CDKAL1: variants seen among roughly 807,000 people sequenced by gnomAD.
The protein encoded by CDKAL1 is CDKAL1 threonylcarbamoyladenosine tRNA methylthiotransferase, also known as threonylcarbamoyladenosine tRNA methylthiotransferase.
CDKAL1 carries 32 observed loss-of-function variants against 68.2 expected under a neutral mutation model. The observed-to-expected ratio is 0.47, with a 90% CI of 0.35 to 0.63. The LOEUF is 0.63. Among genes scored for constraint, CDKAL1 ranks in the 30% least tolerant of loss-of-function variants. The pLI is 0.00. For synonymous variants in CDKAL1, 234 were observed against 244.3 expected, an observed-to-expected ratio of 0.96 and a Z score of 0.39; for missense variants, 606 against 696.7, an observed-to-expected ratio of 0.87 and a Z score of 1.47.
At chr6:21,226,423 A>G (rs1779746021) in intron 15 of CDKAL1, among the ~76,000 whole-genome samples, 1 of 152,178 alleles carries the variant, frequency 6.6e-6, no homozygotes, top group Non-Finnish European at 1.5e-5. Flanking sequence ...AAGTAGATTT[A>G]GAAATTAATC....
intron 4 of CDKAL1, among the ~76,000 whole-genome samples, chr6:20,567,391 A>G (rs901165801): frequency 3.9e-5 from 6 of 152,126 alleles, no homozygotes; most frequent in African/African-American, 1.4e-4. Context: ...ATTCACTATT[A>G]CATGTAAATG....
chr6:20,912,234 T>C (rs1302343697), intron 9 of CDKAL1, among the ~76,000 whole-genome samples: 1 of 152,250 alleles, frequency 6.6e-6, no homozygotes, highest in African/African-American at 2.4e-5. Flanking sequence ...TCCTCAGCTT[T>C]CTTTTTAGCT....
At chr6:20,664,061 G>T (rs1249515603) in intron 5 of CDKAL1, among the ~76,000 whole-genome samples, 1 of 151,986 alleles carries the variant, frequency 6.6e-6, no homozygotes, top group Non-Finnish European at 1.5e-5. Context: ...TTATAGGTTG[G>T]CGCCATTGGA....
intron 13 of CDKAL1, among the ~76,000 whole-genome samples, chr6:21,151,910 AC>A (rs1166873362): frequency 6.6e-6 from 1 of 151,862 alleles, no homozygotes; most frequent in Non-Finnish European, 1.5e-5. Context: ...TGCGGCCTCC[AC>A]CCCCAACACA....
At chr6:20,813,533 C>A (rs1776910665) in intron 8 of CDKAL1, among the ~76,000 whole-genome samples, 1 of 152,186 alleles carries the variant, frequency 6.6e-6, no homozygotes, top group Admixed American at 6.5e-5. Context: ...AGGCCACTAA[C>A]CCTTTCTCCT....
chr6:20,902,473 G>C (rs1012955360), intron 9 of CDKAL1, among the ~76,000 whole-genome samples: 5 of 152,176 alleles, frequency 3.3e-5, no homozygotes, highest in African/African-American at 4.8e-5. Flanking sequence ...GAACATGGAA[G>C]ACTGGAAGAG....
intron 9 of CDKAL1, among the ~76,000 whole-genome samples, chr6:20,897,360 A>G (rs1220620369): frequency 6.6e-6 from 1 of 152,148 alleles, no homozygotes; most frequent in African/African-American, 2.4e-5. Flanking sequence ...TGGAGGTAGA[A>G]AGATGCAGGC....
At chr6:21,121,600 CACAGT>C in intron 13 of CDKAL1, among the ~76,000 whole-genome samples, 1 of 152,292 alleles carries the variant, frequency 6.6e-6, no homozygotes, top group Non-Finnish European at 1.5e-5. Context: ...GCATCTAGCA[CACAGT>C]AAGTGCTCAA....
At chr6:21,138,988 AGAGAAT>A (rs1195489789) in intron 13 of CDKAL1, among the ~76,000 whole-genome samples, 1 of 152,198 alleles carries the variant, frequency 6.6e-6, no homozygotes, top group Non-Finnish European at 1.5e-5. Context: ...TGCTTTCAAG[AGAGAAT>A]GTGAGAGGCA....
chr6:20,635,795 T>C (rs1002371557), intron 4 of CDKAL1, among the ~76,000 whole-genome samples: 2 of 152,206 alleles, frequency 1.3e-5, no homozygotes, highest in African/African-American at 4.8e-5. Flanking sequence ...AAAGACAGAT[T>C]AACAGAAGAA....
chr6:20,912,149 T>C (rs1432465368), intron 9 of CDKAL1, among the ~76,000 whole-genome samples: 5 of 152,248 alleles, frequency 3.3e-5, no homozygotes, highest in African/African-American at 1.2e-4. Context: ...TTTGTGTGTT[T>C]GTTTTTTTAC....
intron 15 of CDKAL1, among the ~76,000 whole-genome samples, chr6:21,203,910 G>T (rs12196363): frequency 6.6e-6 from 1 of 152,042 alleles, no homozygotes; most frequent in African/African-American, 2.4e-5. Context: ...CAACAGATTA[G>T]AAGGGTGTTA....
intron 9 of CDKAL1, among the ~76,000 whole-genome samples, chr6:20,902,171 G>T (rs1409872976): frequency 6.6e-6 from 1 of 152,098 alleles, no homozygotes; most frequent in Non-Finnish European, 1.5e-5. Context: ...TTTATTTCAA[G>T]GTTTTAGCAG....
chr6:20,733,200 T>A (rs918079408), intron 5 of CDKAL1, among the ~76,000 whole-genome samples: 1 of 152,216 alleles, frequency 6.6e-6, no homozygotes, highest in Non-Finnish European at 1.5e-5. Context: ...ATGATGACTG[T>A]CCCACAGCTA....
At chr6:20,608,365 T>C (rs1172468086) in intron 4 of CDKAL1, among the ~76,000 whole-genome samples, 2 of 152,226 alleles carry the variant, frequency 1.3e-5, no homozygotes, top group Non-Finnish European at 1.5e-5. Context: ...TACTACTTTT[T>C]AGTACTTTTT....
At position 20,930,625 on chromosome 6, in the gene CDKAL1, C is replaced by T. The variant is rs192039931; in HGVS notation, c.743-24794C>T. Reference sequence around the variant, plus strand: ...CCCTCATTGTTACTTTAGTATCTTTCATAATAATGACAGTTGCTAGGATTT... The same window carrying T: ...CCCTCATTGTTACTTTAGTATCTTTTATAATAATGACAGTTGCTAGGATTT... On this transcript the variant is annotated intron_variant, in intron 9 of 15. Coordinates refer to ENST00000274695, the MANE Select transcript of CDKAL1 (RefSeq NM_017774.3). 3.5e-4 allele frequency among the ~76,000 whole-genome samples: 54 copies of T among 152,146 alleles called. 1 individual carries two copies. Among genetic ancestry groups the T allele is most frequent in the Admixed American group, 2.7e-3 (41 of 15,278 alleles).
rs1770868694 is a variant in CDKAL1 at position 21,056,923 on chromosome 6, C to A, written c.1056-8125C>A. Reference sequence around the variant, plus strand: ...TTGATGTGCTGCTGGATTTTGTTTGCCAGTATTTTATTGAGGATTTTTGCA... The same window carrying A: ...TTGATGTGCTGCTGGATTTTGTTTGACAGTATTTTATTGAGGATTTTTGCA... On this transcript the variant is annotated intron_variant, in intron 11 of 15. Coordinates refer to ENST00000274695, the MANE Select transcript of CDKAL1 (RefSeq NM_017774.3). Among the ~76,000 whole-genome samples the A allele has an allele frequency of 2.0e-5, 3 of 152,116 alleles. No individual in the cohort carries two copies. The South Asian group carries it at 6.2e-4, about 32-fold the overall frequency.
chr6:21,219,880 C>T (rs753388705), intron 15 of CDKAL1, among the ~76,000 whole-genome samples: 1 of 152,184 alleles, frequency 6.6e-6, no homozygotes, highest in Non-Finnish European at 1.5e-5. Context: ...AAGTTTAATA[C>T]ACCCAATTGT....
chr6:20,664,554 A>G (rs1562008111), intron 5 of CDKAL1, among the ~76,000 whole-genome samples: 1 of 152,156 alleles, frequency 6.6e-6, no homozygotes, highest in Non-Finnish European at 1.5e-5. Flanking sequence ...TCAAATGAGA[A>G]AATGGTTTGA....
Sources: gnomAD v4.1 joint callset for allele counts (sites outside exome capture counted in the v4.1 genomes callset) on GRCh38, gnomAD v4.1.1 for gene constraint, MANE v1.5 for transcripts, NCBI Gene and HGNC (gene_info 2026-07-23, HGNC 2026-07-21) for gene names.